The following SLC14A2 variants were observed in gnomAD, a reference collection of about 807,000 sequenced individuals.
The protein encoded by SLC14A2 is solute carrier family 14 member 2, also known as urea transporter 2.
SLC14A2 carries 91 observed loss-of-function variants against 104.6 expected under a neutral mutation model. The observed-to-expected ratio is 0.87, with a 90% CI of 0.73 to 1.04. The LOEUF (loss-of-function observed/expected upper bound fraction) is 1.04, where lower values mean the gene tolerates loss of function less well. SLC14A2 is among the 50% of genes least tolerant of loss of function. SLC14A2 has a pLI of 0.00. For missense variants in SLC14A2, 1,189 were observed against 1,156.0 expected, an observed-to-expected ratio of 1.03 and a Z score of -0.41; for synonymous variants, 476 against 466.4, an observed-to-expected ratio of 1.02 and a Z score of -0.27.
intron 1 of SLC14A2, among the ~76,000 whole-genome samples, chr18:45,228,868 T>C (rs2144015649): frequency 6.6e-6 from 1 of 152,292 alleles, no homozygotes; most frequent in Middle Eastern, 3.4e-3. Flanking sequence ...TCTGGCTGTC[T>C]CACCTGAACC....
At chr18:45,563,154 C>T (rs1298348543) in intron 2 of SLC14A2, among the ~76,000 whole-genome samples, 1 of 152,182 alleles carries the variant, frequency 6.6e-6, no homozygotes, top group East Asian at 1.9e-4. Flanking sequence ...AGTTTTGCCC[C>T]TTGTAGAATG....
At chr18:45,597,338 G>T (rs948763791) in intron 2 of SLC14A2, among the ~76,000 whole-genome samples, 4 of 151,086 alleles carry the variant, frequency 2.6e-5, no homozygotes, top group African/African-American at 7.3e-5. Context: ...AAAAAAAAAA[G>T]AAAGAAAGAA....
At chr18:45,556,118 A>G (rs923793191) in intron 2 of SLC14A2, among the ~76,000 whole-genome samples, 1 of 152,134 alleles carries the variant, frequency 6.6e-6, no homozygotes, top group Non-Finnish European at 1.5e-5. Flanking sequence ...TCCTCGTTAC[A>G]TGCTCATGTG....
chr18:45,618,088 G>A (rs967454811), intron 1 of SLC14A2, among the ~76,000 whole-genome samples: 3 of 152,138 alleles, frequency 2.0e-5, no homozygotes, highest in Non-Finnish European at 2.9e-5. Flanking sequence ...CAGATACAAG[G>A]GTTTCTAGTA....
intron 1 of SLC14A2, among the ~76,000 whole-genome samples, chr18:45,322,657 A>G (rs1375267830): frequency 6.6e-6 from 1 of 152,200 alleles, no homozygotes; most frequent in African/African-American, 2.4e-5. Flanking sequence ...TAGCCTCTTC[A>G]GGAATGTTGT....
chr18:45,375,723 A>T (rs1293678275), intron 1 of SLC14A2, among the ~76,000 whole-genome samples: 1 of 152,216 alleles, frequency 6.6e-6, no homozygotes, highest in Non-Finnish European at 1.5e-5. Flanking sequence ...CAGTACTTCT[A>T]CTACTGAACC....
intron 2 of SLC14A2, among the ~76,000 whole-genome samples, chr18:45,602,432 A>G (rs1308480748): frequency 1.3e-5 from 2 of 152,246 alleles, no homozygotes; most frequent in African/African-American, 2.4e-5. Context: ...AGGCAGGAGC[A>G]AAGATTACAG....
At chr18:45,277,088 C>T (rs906602142) in intron 1 of SLC14A2, among the ~76,000 whole-genome samples, 2 of 152,200 alleles carry the variant, frequency 1.3e-5, no homozygotes, top group African/African-American at 4.8e-5. Flanking sequence ...CAGGAAGAAA[C>T]ACTTCTTAGC....
intron 1 of SLC14A2, among the ~76,000 whole-genome samples, chr18:45,363,741 G>A (rs893704651): frequency 6.6e-6 from 1 of 152,156 alleles, no homozygotes; most frequent in African/African-American, 2.4e-5. Context: ...TTGCCAGGTG[G>A]TGATGATGGG....
chr18:45,589,274 G>A (rs2044613654), intron 2 of SLC14A2, among the ~76,000 whole-genome samples: 1 of 150,582 alleles, frequency 6.6e-6, no homozygotes, highest in Non-Finnish European at 1.5e-5. Flanking sequence ...AGAGTTGGGG[G>A]CTAGTTTTGG....
chr18:45,186,896 C>A, the SLC14A2 span, among the ~76,000 whole-genome samples: 2 of 152,078 alleles, frequency 1.3e-5, no homozygotes, highest in Non-Finnish European at 2.9e-5. Flanking sequence ...TGGTGAAGAT[C>A]CTCTCGTGGC....
At chr18:45,628,017 A>AG (rs1231505217) in intron 4 of SLC14A2, among the ~76,000 whole-genome samples, 3 of 143,466 alleles carry the variant, frequency 2.1e-5, no homozygotes, top group Non-Finnish European at 3.1e-5. Context: ...AAAAAAAAAA[A>AG]AAAGAAAAGA....
At chr18:45,541,548 T>C (rs757211596) in intron 2 of SLC14A2, among the ~76,000 whole-genome samples, 34 of 152,120 alleles carry the variant, frequency 2.2e-4, no homozygotes, top group Non-Finnish European at 4.6e-4. Flanking sequence ...TAGTACAGAG[T>C]AGTTCACAGA....
intron 1 of SLC14A2, among the ~76,000 whole-genome samples, chr18:45,334,161 T>C (rs1267888120): frequency 6.6e-6 from 1 of 152,230 alleles, no homozygotes; most frequent in African/African-American, 2.4e-5. Context: ...ATCAGTGATA[T>C]AATAGAAGAA....
chr18:45,459,415 C>T (rs535931653), intron 1 of SLC14A2, among the ~76,000 whole-genome samples: 63 of 152,310 alleles, frequency 4.1e-4, no homozygotes, highest in African/African-American at 1.5e-3. Flanking sequence ...AGAGACTTTA[C>T]CCTTCAGAGA....
chr18:45,571,070 C>T (rs2044338805), intron 2 of SLC14A2, among the ~76,000 whole-genome samples: 1 of 152,194 alleles, frequency 6.6e-6, no homozygotes, highest in East Asian at 1.9e-4. Flanking sequence ...TAACTCTAGA[C>T]TCCTCAGAGT....
the SLC14A2 span, among the ~76,000 whole-genome samples, chr18:45,169,666 G>A: frequency 6.6e-6 from 1 of 152,142 alleles, no homozygotes; most frequent in African/African-American, 2.4e-5. Context: ...TACTTAATCT[G>A]TAACCCTGGA....
chr18:45,237,504 C>T (rs1285006606), intron 1 of SLC14A2, among the ~76,000 whole-genome samples: 1 of 152,202 alleles, frequency 6.6e-6, no homozygotes, highest in Non-Finnish European at 1.5e-5. Context: ...GCTAATGACT[C>T]TGCTTTAACT....
At chr18:45,622,015 G>A (rs1368244863) in intron 1 of SLC14A2, among the ~76,000 whole-genome samples, 1 of 152,182 alleles carries the variant, frequency 6.6e-6, no homozygotes, top group Non-Finnish European at 1.5e-5. Context: ...CAGAAAGCAA[G>A]GGACTCACTA....
Sources: allele counts gnomAD v4.1 joint callset (sites outside exome capture counted in the v4.1 genomes callset), GRCh38; gene constraint gnomAD v4.1.1; transcripts MANE v1.5; gene names NCBI Gene and HGNC (gene_info 2026-07-23, HGNC 2026-07-21).